FABP7: variants seen among roughly 807,000 people sequenced by gnomAD.
FABP7 encodes the protein fatty acid-binding protein, brain.
In FABP7, 13 loss-of-function variants were observed where a neutral mutation model predicts 14.2. The observed-to-expected ratio is 0.91, with a 90% CI of 0.59 to 1.45. The LOEUF (loss-of-function observed/expected upper bound fraction) is 1.45, where lower values mean the gene tolerates loss of function less well. FABP7 is among the 40% of genes most tolerant of loss of function. The probability of loss-of-function intolerance (pLI) is 0.00; values close to 1 mark genes in which losing one functional copy is unlikely to be tolerated. For synonymous variants in FABP7, 49 were observed against 51.4 expected (o/e 0.95, Z 0.20); for missense variants, 149 against 157.6 (o/e 0.95, Z 0.29).
the FABP7 span, among the ~76,000 whole-genome samples, chr6:122,774,023 A>G: frequency 2.0e-5 from 3 of 152,136 alleles, no homozygotes; most frequent in East Asian, 5.8e-4. Context: ...ATGCGTTTGT[A>G]TGATAAAAGC....
At chr6:122,752,519 C>G in the FABP7 span, among the ~76,000 whole-genome samples, 4 of 152,214 alleles carry the variant, frequency 2.6e-5, no homozygotes, top group African/African-American at 9.6e-5. Flanking sequence ...CACCCCCAAC[C>G]TTACCCTCCT....
At chr6:122,756,483 A>T in the FABP7 span, among the ~76,000 whole-genome samples, 1 of 152,290 alleles carries the variant, frequency 6.6e-6, no homozygotes, top group South Asian at 2.1e-4. Flanking sequence ...ACATATATGC[A>T]TCTGTAGCAA....
chr6:122,771,363 G>T, the FABP7 span, among the ~76,000 whole-genome samples: 31 of 152,146 alleles, frequency 2.0e-4, no homozygotes, highest in Non-Finnish European at 7.3e-5. Flanking sequence ...ATCTTCAACT[G>T]ATCCCAGATT....
chr6:122,780,487 A>G (rs757178541), intron 2 of FABP7, 24 bp downstream of exon 2: 6 of 1,604,760 alleles, frequency 3.7e-6, no homozygotes, highest in Non-Finnish European at 5.1e-6. Context: ...TCTTCTTCAG[A>G]GTGGGGATGG....
chr6:122,753,869 T>C, the FABP7 span, among the ~76,000 whole-genome samples: 1 of 144,982 alleles, frequency 6.9e-6, no homozygotes, highest in Non-Finnish European at 1.5e-5. Flanking sequence ...ATCAGTCTGA[T>C]TGGTTGCAGA....
chr6:122,779,280 G>A (rs1780723017), upstream of FABP7, among the ~76,000 whole-genome samples: 1 of 152,106 alleles, frequency 6.6e-6, no homozygotes, highest in Non-Finnish European at 1.5e-5. Flanking sequence ...CATTTCAGTG[G>A]TTTTCTTTAA....
chr6:122,763,456 C>T, the FABP7 span, among the ~76,000 whole-genome samples: 3 of 152,162 alleles, frequency 2.0e-5, no homozygotes, highest in Admixed American at 6.6e-5. Flanking sequence ...ACCTAGGCAA[C>T]ACCATTCAGG....
chr6:122,783,636 G>A, intron 3 of FABP7, 81 bp from the exon 4 acceptor site: 10 of 1,512,466 alleles, frequency 6.6e-6, no homozygotes, highest in South Asian at 1.4e-5. Flanking sequence ...ATAATACTTA[G>A]ATCACATATA....
the FABP7 span, among the ~76,000 whole-genome samples, chr6:122,757,308 T>C: frequency 3.3e-5 from 5 of 152,126 alleles, no homozygotes; most frequent in African/African-American, 1.2e-4. Context: ...CCAAAAGTCT[T>C]GTACTCTTTC....
chr6:122,780,491 G>A, intron 2 of FABP7, 28 bp downstream of exon 2: 1 of 1,598,824 alleles, frequency 6.3e-7, no homozygotes, highest in Non-Finnish European at 8.5e-7. Flanking sequence ...CTTCAGAGTG[G>A]GGATGGGGAG....
chr6:122,759,738 T>C, the FABP7 span, among the ~76,000 whole-genome samples: 3 of 152,242 alleles, frequency 2.0e-5, no homozygotes, highest in East Asian at 5.8e-4. Context: ...CAAGCATACA[T>C]GCTCTAAATA....
chr6:122,780,084 T>A (rs185352335), intron 1 of FABP7, among the ~76,000 whole-genome samples: 1 of 152,348 alleles, frequency 6.6e-6, no homozygotes, highest in East Asian at 1.9e-4. Context: ...TGCTATTCCG[T>A]GGAGAATATG....
chr6:122,761,510 C>T, the FABP7 span, among the ~76,000 whole-genome samples: 256 of 152,158 alleles, frequency 1.7e-3, 1 homozygote, highest in African/African-American at 5.9e-3. Flanking sequence ...AAAATCTTCT[C>T]GTAATAGGAT....
Position 122,783,754 on chromosome 6 carries a change from A to G in FABP7, c.386A>G (p.Tyr129Cys), listed in dbSNP as rs1449449146. The change falls in exon 4 of 4, where the codon TAT becomes TGT. Residue 129 changes from tyrosine (Y) to cysteine (C), a missense_variant. Coordinates refer to ENST00000368444, the MANE Select transcript of FABP7 (RefSeq NM_001446.5). ...GGTGATGTGGTTGCTGTTCGCCACT[A>G]TGAGAAGGCATAAAAATGTTCCTGG... The part of the protein sequence containing the change: ...TFGDVVAVRH[Y>C]EKA The G allele has an allele frequency of 6.2e-7, 1 of 1,608,120 alleles. No homozygotes were observed. Among genetic ancestry groups the G allele is most frequent in the Non-Finnish European group, 8.5e-7 (1 of 1,178,188 alleles).
the FABP7 span, among the ~76,000 whole-genome samples, chr6:122,760,873 A>C: frequency 6.6e-6 from 1 of 152,274 alleles, no homozygotes; most frequent in South Asian, 2.1e-4. Context: ...GTGATATATC[A>C]CTATTATAAC....
intron 3 of FABP7, 69 bp from the exon 4 acceptor site, chr6:122,783,648 G>A: frequency 6.5e-7 from 1 of 1,548,058 alleles, no homozygotes; most frequent in Non-Finnish European, 8.7e-7. Context: ...TCACATATAT[G>A]ATGATCTTTA....
the FABP7 span, among the ~76,000 whole-genome samples, chr6:122,757,677 G>A: frequency 0.19 from 29,507 of 151,604 alleles, 3,293 homozygotes; most frequent in Non-Finnish European, 0.25. Context: ...AAAGAAATAC[G>A]TTACTATATG....
chr6:122,760,313 AG>A, the FABP7 span, among the ~76,000 whole-genome samples: 1 of 152,160 alleles, frequency 6.6e-6, no homozygotes, highest in African/African-American at 2.4e-5. Context: ...CTTTGTCCCC[AG>A]TGAGGTTCAT....
intron 3 of FABP7, chr6:122,782,629 AG>A: frequency 1.0e-6 from 1 of 985,432 alleles, no homozygotes; most frequent in Non-Finnish European, 1.2e-6. Flanking sequence ...ATAGGTGGGT[AG>A]GCTCATTCAA....
Sources: gnomAD v4.1 joint callset for allele counts (sites outside exome capture counted in the v4.1 genomes callset) on GRCh38, gnomAD v4.1.1 for gene constraint, MANE v1.5 for transcripts, NCBI Gene and HGNC (gene_info 2026-07-23, HGNC 2026-07-21) for gene names.